Variants in CACNA1E observed in about 807,000 individuals in gnomAD.
CACNA1E encodes calcium voltage-gated channel subunit alpha1 E.
Under a neutral mutation model 259.2 loss-of-function variants are expected in CACNA1E, and 40 were observed. The ratio of observed to expected loss-of-function variants is 0.15; its 90% CI spans 0.12 to 0.20. The LOEUF is 0.20. Ranked by LOEUF, CACNA1E falls within the 10% of genes least tolerant of loss-of-function variation. The pLI is 1.00. For synonymous variants in CACNA1E, 1,104 were observed against 1,138.5 expected (o/e 0.97, Z 0.61); for missense variants, 1,874 against 3,040.1 (o/e 0.62, Z 9.02).
chr1:181,531,688 A>G lies in CACNA1E; in HGVS notation c.512+20178A>G, dbSNP rs148147555. Among the ~76,000 whole-genome samples the G allele has an allele frequency of 9.8e-5, 15 of 152,288 alleles. 1 individual carries two copies. In the East Asian group the frequency reaches 2.7e-3, roughly 27 times the overall value. On this transcript the variant is annotated intron_variant, in intron 3 of 47. Transcript: ENST00000367573. ...AGCAGGTGTAAAAATCTAAGCTATA[A>G]CCAAACCTTAGGCCCAGGAGCAGTA...
At chr1:181,516,783 T>C (rs1236137162) in intron 3 of CACNA1E, among the ~76,000 whole-genome samples, 1 of 152,228 alleles carries the variant, frequency 6.6e-6, no homozygotes, top group Non-Finnish European at 1.5e-5. Context: ...GTCTTGAGTG[T>C]TGGTAATATT....
intron 1 of CACNA1E, among the ~76,000 whole-genome samples, chr1:181,373,331 GGA>G (rs1162317506): frequency 6.6e-6 from 1 of 151,996 alleles, no homozygotes; most frequent in East Asian, 1.9e-4. Flanking sequence ...GGTCTGTTCA[GGA>G]CTTCAATTTC....
chr1:181,432,597 A>G (rs185593459), intron 2 of CACNA1E, among the ~76,000 whole-genome samples: 9 of 152,320 alleles, frequency 5.9e-5, no homozygotes, highest in Admixed American at 3.3e-4. Context: ...GAAACCAAAT[A>G]TGTCATTTAA....
At chr1:181,422,894 A>T (rs539255078) in intron 2 of CACNA1E, among the ~76,000 whole-genome samples, 15 of 152,300 alleles carry the variant, frequency 9.8e-5, no homozygotes, top group Non-Finnish European at 2.1e-4. Flanking sequence ...ATGCCTAGCA[A>T]CATGGCTTTC....
intron 1 of CACNA1E, among the ~76,000 whole-genome samples, chr1:181,363,762 A>G (rs1654063493): frequency 6.6e-6 from 1 of 152,180 alleles, no homozygotes. Flanking sequence ...TGCCAAGCCC[A>G]ATAAGGTTGC....
chr1:181,441,109 T>G lies in CACNA1E; in HGVS notation c.434+27529T>G, dbSNP rs1280105884. 2.6e-5 allele frequency among the ~76,000 whole-genome samples: 4 copies of G among 150,982 alleles called. No homozygotes were observed. The East Asian group carries it at 7.9e-4, about 30-fold the overall frequency. On this transcript the variant is annotated intron_variant, in intron 2 of 11. Coordinates refer to the CACNA1E transcript ENST00000524607. Reference sequence around the variant, plus strand: ...TGTGTTCCACAGTGGATGGCAAGGCTTCATTTTATCCTTATCATCTTTAAT... The same window carrying G: ...TGTGTTCCACAGTGGATGGCAAGGCGTCATTTTATCCTTATCATCTTTAAT...
At chr1:181,628,461 G>A (rs1201734497) in intron 6 of CACNA1E, among the ~76,000 whole-genome samples, 1 of 152,202 alleles carries the variant, frequency 6.6e-6, no homozygotes, top group African/African-American at 2.4e-5. Flanking sequence ...GAAGATGTGA[G>A]CTTGAAGTGT....
chr1:181,650,468 A>G (rs576134380), intron 6 of CACNA1E, among the ~76,000 whole-genome samples: 3 of 152,282 alleles, frequency 2.0e-5, no homozygotes, highest in South Asian at 2.1e-4. Context: ...GACTATTTGG[A>G]AAGACTTCGA....
intron 7 of CACNA1E, among the ~76,000 whole-genome samples, chr1:181,684,103 G>C (rs1650269421): frequency 6.6e-6 from 1 of 152,158 alleles, no homozygotes; most frequent in Non-Finnish European, 1.5e-5. Context: ...CTCATCAACA[G>C]TGTATACGCG....
chr1:181,676,824 A>G (rs1201743562), intron 7 of CACNA1E, among the ~76,000 whole-genome samples: 1 of 152,126 alleles, frequency 6.6e-6, no homozygotes, highest in African/African-American at 2.4e-5. Context: ...GATGTTAACC[A>G]CTTAAGTAGT....
chr1:181,551,609 G>C (rs987565332), intron 3 of CACNA1E, among the ~76,000 whole-genome samples: 1 of 152,164 alleles, frequency 6.6e-6, no homozygotes, highest in Non-Finnish European at 1.5e-5. Context: ...CAACCTTGGT[G>C]GGGGAAGGGG....
intron 25 of CACNA1E, among the ~76,000 whole-genome samples, chr1:181,746,316 C>T (rs1311257271): frequency 6.6e-6 from 1 of 152,202 alleles, no homozygotes; most frequent in African/African-American, 2.4e-5. Flanking sequence ...AGTGCTTTCA[C>T]ACTCTTTATT....
intron 2 of CACNA1E, among the ~76,000 whole-genome samples, chr1:181,437,101 G>A (rs1452299634): frequency 6.6e-6 from 1 of 152,170 alleles, no homozygotes; most frequent in Non-Finnish European, 1.5e-5. Flanking sequence ...TGAGACTACA[G>A]CAATTTCTCT....
intron 2 of CACNA1E, among the ~76,000 whole-genome samples, chr1:181,474,603 A>G (rs1005930806): frequency 1.3e-5 from 2 of 152,352 alleles, no homozygotes; most frequent in South Asian, 2.1e-4. Context: ...GTAATTCTTC[A>G]TAAGAGAAAT....
chr1:181,625,507 G>A (rs973676973), intron 6 of CACNA1E, among the ~76,000 whole-genome samples: 2 of 152,168 alleles, frequency 1.3e-5, no homozygotes, highest in African/African-American at 4.8e-5. Context: ...GCACTTTCAT[G>A]TATGGAAACG....
chr1:181,719,776 T>C lies in CACNA1E; in HGVS notation c.1664T>C (p.Val555Ala). The change falls in exon 13 of 48, where the codon GTG (valine) becomes GCG (alanine). Residue 555 changes from valine (V) to alanine (A), a missense_variant. Val to Ala is a moderately conservative substitution (Grantham distance 64). Around this residue, in one of 14 missense-constraint regions of CACNA1E, gnomAD observed 102 missense variants for 279.4 expected, o/e 0.37. Transcript: ENST00000367573. ...FGVTVGSIFEVVWAIFRPGTS... is the reference protein window; with the variant it reads ...FGVTVGSIFEAVWAIFRPGTS... Reference sequence around the variant, plus strand: ...GTCACAGTGGGCAGTATCTTTGAAGTGGTCTGGGCAATCTTCAGACCTGGT... The same window carrying C: ...GTCACAGTGGGCAGTATCTTTGAAGCGGTCTGGGCAATCTTCAGACCTGGT... 1 of 1,602,588 alleles carries C rather than the reference T, an allele frequency of 6.2e-7. No homozygotes were observed. Among genetic ancestry groups the C allele is most frequent in the Non-Finnish European group, 8.5e-7 (1 of 1,173,688 alleles).
At position 181,579,056 on chromosome 1, in the gene CACNA1E, C is replaced by G. The variant is rs113730525; in HGVS notation, c.617-16C>G. On this transcript the variant is annotated splice_polypyrimidine_tract_variant and intron_variant, in intron 4 of 47. Coordinates refer to ENST00000367573, the MANE Select transcript of CACNA1E (RefSeq NM_001205293.3). ...GAGGGACAGCTGCATTGGTCATTCT[C>G]TGTCCTTCCTTCTAGGCCTGCAGAT... is the stretch of plus-strand genomic sequence containing the variant. 6.3e-7 allele frequency: 1 copy of G among 1,592,998 alleles called. No individual in the cohort carries two copies. Among genetic ancestry groups the G allele is most frequent in the East Asian group, 2.2e-5 (1 of 44,572 alleles).
chr1:181,362,430 G>A (rs963758166), intron 1 of CACNA1E, among the ~76,000 whole-genome samples: 6 of 152,196 alleles, frequency 3.9e-5, no homozygotes, highest in African/African-American at 1.4e-4. Context: ...GGCTTCATCT[G>A]GCCTTGGCTT....
chr1:181,709,687 G>T (rs759034590), intron 7 of CACNA1E, among the ~76,000 whole-genome samples: 1 of 152,140 alleles, frequency 6.6e-6, no homozygotes, highest in Non-Finnish European at 1.5e-5. Flanking sequence ...GAGTGCAGTG[G>T]CATGATCACA....
Sources: allele counts gnomAD v4.1 joint callset (sites outside exome capture counted in the v4.1 genomes callset), GRCh38; gene constraint gnomAD v4.1.1; regional missense constraint gnomAD v4.1.1; transcripts MANE v1.5; gene names NCBI Gene and HGNC (gene_info 2026-07-23, HGNC 2026-07-21).